Variants in GNG3 observed in about 807,000 individuals in gnomAD.
GNG3 encodes the protein G protein subunit gamma 3, also known as guanine nucleotide-binding protein G(I)/G(S)/G(O) subunit gamma-3.
GNG3 carries 4 observed loss-of-function variants against 5.6 expected under a neutral mutation model. That is an observed-to-expected ratio of 0.71 (90% CI 0.35 to 1.63). The LOEUF is 1.63. Ranked by LOEUF, GNG3 falls within the 40% of genes most tolerant of loss-of-function variation. The pLI is 0.05. For missense variants in GNG3, 62 were observed against 96.6 expected (o/e 0.64, Z 1.50); for synonymous variants, 30 against 33.5 (o/e 0.89, Z 0.36).
rs2083586631 is a variant in GNG3, at chr11:62,708,874, G to A, written c.*68G>A. 8.1e-7 allele frequency: 1 copy of A among 1,239,980 alleles called. No individual in the cohort carries two copies. 76.8% of individuals were successfully genotyped at this position (1,239,980 alleles called of 1,614,324 possible). A position where few individuals can be genotyped will look rare whatever the true frequency, so the allele number is the denominator to read the frequency against. On this transcript the variant is annotated 3_prime_UTR_variant, in exon 3 of 3. Coordinates refer to ENST00000294117, the MANE Select transcript of GNG3 (RefSeq NM_012202.5). Reference sequence around the variant, plus strand: ...TGGGCCCTTCCTTAGGTCAGTAATTGTTGTGAGCCCCTTAGGCTCCTTGCA... The same window carrying A: ...TGGGCCCTTCCTTAGGTCAGTAATTATTGTGAGCCCCTTAGGCTCCTTGCA...
chr11:62,708,446 G>T (rs1449655485), intron 2 of GNG3, 52 bp downstream of exon 2: 5 of 1,373,490 alleles, frequency 3.6e-6, no homozygotes, highest in Non-Finnish European at 5.2e-6. Context: ...GTGCTGTGCT[G>T]CAGGTTCCCA....
chr11:62,707,303 G>A (rs2083557620), upstream of GNG3: 2 of 999,022 alleles, frequency 2.0e-6, no homozygotes, highest in African/African-American at 1.6e-5. Context: ...ACATTTTCCT[G>A]GATATGGAAA....
At chr11:62,706,684 G>T, upstream of GNG3, 2 of 479,134 alleles carry the variant, frequency 4.2e-6, no homozygotes, top group East Asian at 1.4e-4. Flanking sequence ...GATTTTTATC[G>T]CCCACAGCTC....
chr11:62,708,733 A>G lies in GNG3; in HGVS notation c.155A>G (p.Asp52Gly), dbSNP rs757284275. The change falls in exon 3 of 3, where the codon GAT becomes GGT. Residue 52 changes from aspartate (D) to glycine (G), a missense_variant. By Grantham distance (94) the Asp-to-Gly change is moderately conservative (BLOSUM62 -1). Around this residue, in one of 2 missense-constraint regions of GNG3, gnomAD observed 58 missense variants for 75.4 expected, o/e 0.77. Coordinates refer to ENST00000294117, the MANE Select transcript of GNG3 (RefSeq NM_012202.5). ...MTYCDAHACE[D>G]PLITPVPTSE... ...TACTGTGATGCCCACGCCTGTGAGG[A>G]TCCCCTCATCACCCCTGTGCCCACT... 1 of 1,614,030 alleles carries G rather than the reference A, an allele frequency of 6.2e-7. No individual in the cohort carries two copies. Among genetic ancestry groups the G allele is most frequent in the Non-Finnish European group, 8.5e-7 (1 of 1,179,918 alleles).
Position 62,708,311 on chromosome 11 carries a change from C to G in GNG3, c.16C>G (p.Pro6Ala), listed in dbSNP as rs765855751. ...TTTTTCCAGGATGAAAGGTGAGACCCCGGTGAACAGCACTATGAGTATTGG... is the reference window on the plus strand; with the variant it reads ...TTTTTCCAGGATGAAAGGTGAGACCGCGGTGAACAGCACTATGAGTATTGG... MKGET[P>A]VNSTMSIGQA... is the part of the protein sequence containing the mutation. Residue 6 changes from proline to alanine, a missense_variant, in exon 2 of 3, where the codon CCG (proline) becomes GCG (alanine). Coordinates refer to ENST00000294117, the MANE Select transcript of GNG3 (RefSeq NM_012202.5). 2 of 1,611,842 alleles carry G rather than the reference C, an allele frequency of 1.2e-6. No homozygotes were observed. The highest frequency in any genetic ancestry group is 2.2e-5 in the South Asian group (2 of 91,052).
chr11:62,708,409 G>A lies in GNG3; in HGVS notation c.99+15G>A. ...GTCGGATAAAGGTAGGTGGGACCCT[G>A]GCTGGCTCCCATTAGTTGGCCAGGC... On this transcript the variant is annotated intron_variant, in intron 2 of 2. Coordinates refer to ENST00000294117, the MANE Select transcript of GNG3 (RefSeq NM_012202.5). The A allele has an allele frequency of 6.3e-7, 1 of 1,579,992 alleles. No homozygotes were observed. The highest frequency in any genetic ancestry group is 1.1e-5 in the South Asian group (1 of 90,432).
chr11:62,707,134 T>A (rs1006065298), upstream of GNG3: 8 of 1,554,518 alleles, frequency 5.1e-6, no homozygotes, highest in Admixed American at 3.9e-5. Flanking sequence ...TCCTTTGATC[T>A]GGTCTCCGCA....
rs758286253 is a variant in GNG3, at chr11:62,708,333, T to C, written c.38T>C (p.Ile13Thr). The change falls in exon 2 of 3, where the codon ATT (isoleucine) becomes ACT (threonine). Residue 13 changes from isoleucine to threonine, a missense_variant. Ile to Thr is a moderately conservative substitution (Grantham distance 89). Transcript: ENST00000294117. ...ACCCCGGTGAACAGCACTATGAGTA[T>C]TGGGCAAGCACGCAAGATGGTGGAA... ...GETPVNSTMS[I>T]GQARKMVEQL... 1.2e-5 allele frequency: 19 copies of C among 1,613,634 alleles called. No individual in the cohort carries two copies. The highest frequency in any genetic ancestry group is 1.6e-4 in the Middle Eastern group (1 of 6,080).
At chr11:62,708,031 G>T in intron 1 of GNG3, 116 bp downstream of exon 1, 1 of 499,266 alleles carries the variant, frequency 2.0e-6, no homozygotes, top group Middle Eastern at 5.6e-4. Context: ...ATGGTTTGAA[G>T]GGCTGAAAAG....
upstream of GNG3, chr11:62,707,611 G>C: frequency 1.9e-6 from 1 of 524,676 alleles, no homozygotes; most frequent in Non-Finnish European, 3.4e-6. Flanking sequence ...GTGTGCGCAG[G>C]GATGCAGGCA....
At chr11:62,707,137 T>C (rs375791013), upstream of GNG3, 8 of 1,554,504 alleles carry the variant, frequency 5.1e-6, no homozygotes, top group African/African-American at 6.8e-5. Flanking sequence ...TTTGATCTGG[T>C]CTCCGCACAC....
chr11:62,708,336 G>C lies in GNG3; in HGVS notation c.41G>C (p.Gly14Ala). 1 of 1,613,812 alleles carries C rather than the reference G, an allele frequency of 6.2e-7. No homozygotes were observed. The highest frequency in any genetic ancestry group is 8.5e-7 in the Non-Finnish European group (1 of 1,179,680). ...ETPVNSTMSI[G>A]QARKMVEQLK... ...CCGGTGAACAGCACTATGAGTATTGGGCAAGCACGCAAGATGGTGGAACAG... is the reference window on the plus strand; with the variant it reads ...CCGGTGAACAGCACTATGAGTATTGCGCAAGCACGCAAGATGGTGGAACAG... Residue 14 changes from glycine (G) to alanine (A), a missense_variant, in exon 2 of 3, where the codon GGG becomes GCG. Coordinates refer to ENST00000294117, the MANE Select transcript of GNG3 (RefSeq NM_012202.5).
upstream of GNG3, chr11:62,706,962 T>C (rs2083550410): frequency 1.4e-6 from 1 of 715,722 alleles, no homozygotes; most frequent in Non-Finnish European, 2.4e-6. Context: ...CAGTGTTGTG[T>C]ACATCTTTGC....
upstream of GNG3, chr11:62,707,038 C>A (rs998334459): frequency 1.1e-5 from 15 of 1,333,718 alleles, no homozygotes; most frequent in Non-Finnish European, 1.5e-5. Context: ...CAATCCATCC[C>A]CCCGCCCCCT....
In GNG3 at chr11:62,707,687, C is replaced by T. The variant is rs1347449936; in HGVS notation, c.-230C>T. On this transcript the variant is annotated 5_prime_UTR_variant, in exon 1 of 3. Transcript: ENST00000294117. ...GATCTGAGCAGCTCCTTCTAGCATCCTTCATCCTTCAGGTACCAGCCATCC... is the reference window on the plus strand; with the variant it reads ...GATCTGAGCAGCTCCTTCTAGCATCTTTCATCCTTCAGGTACCAGCCATCC... 3 of 379,436 alleles carry T rather than the reference C, an allele frequency of 7.9e-6. No homozygotes were observed. The East Asian group carries it at 1.8e-4, about 22-fold the overall frequency. 23.5% of individuals were successfully genotyped at this position (379,436 alleles called of 1,614,324 possible). A position where few individuals can be genotyped will look rare whatever the true frequency, so the allele number is the denominator to read the frequency against.
At chr11:62,708,550 G>A in intron 2 of GNG3, 128 bp from the exon 3 acceptor site, 4 of 1,384,666 alleles carry the variant, frequency 2.9e-6, no homozygotes, top group Non-Finnish European at 3.0e-6. Flanking sequence ...CAGGCCTCTG[G>A]GGGGGATGAG....
upstream of GNG3, chr11:62,707,221 T>C (rs2083556425): frequency 3.9e-6 from 6 of 1,543,814 alleles, no homozygotes; most frequent in African/African-American, 5.5e-5. Context: ...CTGTTGACTC[T>C]GGATCTTCCA....
chr11:62,707,099 G>A, upstream of GNG3: 1 of 1,551,630 alleles, frequency 6.4e-7, no homozygotes, highest in Non-Finnish European at 8.7e-7. Context: ...GTCCCCACAA[G>A]GGCCCCTACC....
Position 62,708,295 on chromosome 11 carries a change from G to A in GNG3, c.-1G>A. ...TCTGAGAGGTCCCTCTTTTTTCCAG[G>A]ATGAAAGGTGAGACCCCGGTGAACA... is the stretch of plus-strand genomic sequence containing the variant. On this transcript the variant is annotated splice_region_variant and 5_prime_UTR_variant, in exon 2 of 3. Transcript: ENST00000294117. The A allele has an allele frequency of 1.3e-5, 21 of 1,605,316 alleles. No individual in the cohort carries two copies. The highest frequency in any genetic ancestry group is 1.8e-5 in the Non-Finnish European group (21 of 1,171,880).
Sources: allele counts gnomAD v4.1 joint callset, GRCh38; gene constraint gnomAD v4.1.1; regional missense constraint gnomAD v4.1.1; transcripts MANE v1.5; gene names NCBI Gene and HGNC (gene_info 2026-07-23, HGNC 2026-07-21).